Variants in STK39 observed in about 807,000 individuals in gnomAD.
STK39 encodes the protein STE20/SPS1-related proline-alanine-rich protein kinase.
In STK39, 20 loss-of-function variants were observed where a neutral mutation model predicts 77.8. The ratio of observed to expected loss-of-function variants is 0.26; its 90% CI spans 0.18 to 0.37. The LOEUF is 0.37. STK39 is among the 10% of genes least tolerant of loss of function. The probability of loss-of-function intolerance (pLI) is 1.00; values close to 1 mark genes in which losing one functional copy is unlikely to be tolerated. For synonymous variants in STK39, 246 were observed against 234.1 expected, an observed-to-expected ratio of 1.05 and a Z score of -0.47; for missense variants, 479 against 656.5, an observed-to-expected ratio of 0.73 and a Z score of 2.95.
intron 2 of STK39, among the ~76,000 whole-genome samples, chr2:168,171,546 C>T (rs1373660604): frequency 6.6e-6 from 1 of 150,958 alleles, no homozygotes; most frequent in Admixed American, 6.6e-5. Flanking sequence ...AGTGCAATGG[C>T]GCAATCATAG....
chr2:168,112,215 C>T (rs1687137142), intron 10 of STK39, among the ~76,000 whole-genome samples: 1 of 152,066 alleles, frequency 6.6e-6, no homozygotes, highest in Non-Finnish European at 1.5e-5. Context: ...CTCAGTATCT[C>T]CTCTCTACTC....
intron 16 of STK39, among the ~76,000 whole-genome samples, chr2:167,989,038 T>C (rs1476507839): frequency 6.6e-6 from 1 of 152,194 alleles, no homozygotes; most frequent in African/African-American, 2.4e-5. Context: ...CATCTCTTGC[T>C]GTTATTTTTC....
At chr2:168,177,150 T>C (rs1574529684) in intron 2 of STK39, among the ~76,000 whole-genome samples, 1 of 152,208 alleles carries the variant, frequency 6.6e-6, no homozygotes, top group Non-Finnish European at 1.5e-5. Flanking sequence ...CATGGTTTTC[T>C]TGAAATGACT....
intron 16 of STK39, among the ~76,000 whole-genome samples, chr2:167,967,684 G>C (rs1228588910): frequency 2.6e-5 from 4 of 152,150 alleles, no homozygotes; most frequent in South Asian, 2.1e-4. Context: ...TAATCCACTG[G>C]AGGCAAGGCA....
At chr2:168,234,249 G>A (rs1040355624) in intron 1 of STK39, among the ~76,000 whole-genome samples, 5 of 152,214 alleles carry the variant, frequency 3.3e-5, no homozygotes, top group Non-Finnish European at 5.9e-5. Flanking sequence ...TTTCTGTGAT[G>A]AGGGAAACAG....
chr2:168,171,909 C>T (rs1688839436), intron 2 of STK39, among the ~76,000 whole-genome samples: 1 of 133,914 alleles, frequency 7.5e-6, no homozygotes, highest in African/African-American at 2.7e-5. Context: ...AGTACTGAGG[C>T]CAATCAGGAA....
chr2:168,158,377 C>T (rs1032057712), intron 5 of STK39, among the ~76,000 whole-genome samples: 1 of 152,154 alleles, frequency 6.6e-6, no homozygotes, highest in Non-Finnish European at 1.5e-5. Context: ...TAATTCTATA[C>T]CAAATGACGC....
intron 1 of STK39, among the ~76,000 whole-genome samples, chr2:168,212,845 C>G (rs1689926143): frequency 6.6e-6 from 1 of 152,170 alleles, no homozygotes; most frequent in Admixed American, 6.5e-5. Context: ...CCCAGTGTTA[C>G]TGGTTTGGTA....
At chr2:167,964,479 C>T (rs1195127166) in intron 17 of STK39, 183 bp downstream of exon 17, 2 of 581,752 alleles carry the variant, frequency 3.4e-6, no homozygotes, top group Non-Finnish European at 3.0e-6. Context: ...GAGGACACTT[C>T]CAGTCACAAT....
rs772392571 is a variant in STK39, at chr2:168,122,652, G to A, written c.1089+6889C>T. 4.3e-4 allele frequency among the ~76,000 whole-genome samples: 65 copies of A among 151,902 alleles called. 1 individual carries two copies. The highest frequency in any genetic ancestry group is 7.9e-4 in the Non-Finnish European group (54 of 67,984). ...GAATCTTGCCATGTTGCACAGGCTG[G>A]TGTTAAACTCCTGGGTTCTAGCAAT... On this transcript the variant is annotated intron_variant, in intron 10 of 17. Coordinates refer to ENST00000355999, the MANE Select transcript of STK39 (RefSeq NM_013233.3).
intron 10 of STK39, among the ~76,000 whole-genome samples, chr2:168,118,806 CCT>C (rs1687329922): frequency 6.6e-6 from 1 of 151,990 alleles, no homozygotes; most frequent in African/African-American, 2.4e-5. Context: ...GTAAGCAATT[CCT>C]GTCCAGATTC....
intron 1 of STK39, among the ~76,000 whole-genome samples, chr2:168,187,286 G>A (rs1168698736): frequency 6.6e-6 from 1 of 151,902 alleles, no homozygotes; most frequent in African/African-American, 2.4e-5. Flanking sequence ...GGAAGGTAGA[G>A]GCTGCAGTGA....
intron 16 of STK39, among the ~76,000 whole-genome samples, chr2:168,009,854 T>G (rs540185666): frequency 2.0e-5 from 3 of 152,346 alleles, no homozygotes; most frequent in African/African-American, 7.2e-5. Flanking sequence ...AGAAAAGCTT[T>G]ATGGTTATAT....
intron 8 of STK39, among the ~76,000 whole-genome samples, chr2:168,131,346 A>T (rs985729448): frequency 1.6e-4 from 24 of 152,282 alleles, no homozygotes; most frequent in African/African-American, 5.8e-4. Flanking sequence ...GTATTATCTT[A>T]GGCAACAATT....
At chr2:168,026,302 T>C (rs757511502) in intron 14 of STK39, among the ~76,000 whole-genome samples, 12 of 152,206 alleles carry the variant, frequency 7.9e-5, no homozygotes, top group Non-Finnish European at 1.5e-4. Flanking sequence ...CTCTGATCCA[T>C]CCTTCACACT....
At chr2:168,128,755 T>C (rs925363388) in intron 10 of STK39, among the ~76,000 whole-genome samples, 13 of 152,238 alleles carry the variant, frequency 8.5e-5, no homozygotes, top group Admixed American at 6.5e-4. Flanking sequence ...TTCTTTGCCA[T>C]TTTTATTTAC....
At chr2:167,984,852 T>A (rs1163287801) in intron 16 of STK39, among the ~76,000 whole-genome samples, 1 of 152,178 alleles carries the variant, frequency 6.6e-6, no homozygotes, top group Non-Finnish European at 1.5e-5. Context: ...ATAGGTCAAA[T>A]TAACTTTTAA....
chr2:168,066,754 C>T (rs1685805559), intron 12 of STK39, among the ~76,000 whole-genome samples: 1 of 152,194 alleles, frequency 6.6e-6, no homozygotes, highest in African/African-American at 2.4e-5. Context: ...CCACACACAC[C>T]CTGCAACCTT....
chr2:168,020,378 T>C (rs924854216), intron 14 of STK39, among the ~76,000 whole-genome samples: 2 of 152,152 alleles, frequency 1.3e-5, no homozygotes, highest in African/African-American at 4.8e-5. Flanking sequence ...CAATTGTTTC[T>C]GCAAGCTGTT....
Sources: allele counts gnomAD v4.1 joint callset (sites outside exome capture counted in the v4.1 genomes callset), GRCh38; gene constraint gnomAD v4.1.1; transcripts MANE v1.5; gene names NCBI Gene and HGNC (gene_info 2026-07-23, HGNC 2026-07-21).